The following HNRNPL variants were observed in gnomAD, a reference collection of about 807,000 sequenced individuals.
HNRNPL encodes the protein heterogeneous nuclear ribonucleoprotein L.
HNRNPL carries 12 observed loss-of-function variants against 64.0 expected under a neutral mutation model. That is an observed-to-expected ratio of 0.19 (90% confidence interval 0.12 to 0.30). The LOEUF is 0.30. Ranked by LOEUF, HNRNPL falls within the 10% of genes least tolerant of loss-of-function variation. The pLI is 1.00. For synonymous variants in HNRNPL, 385 were observed against 313.0 expected (o/e 1.23, Z -2.43); for missense variants, 484 against 797.4 (o/e 0.61, Z 4.73).
At chr19:38,837,339 C>CATT in intron 12 of HNRNPL, 45 bp downstream of exon 12, 1 of 1,492,626 alleles carries the variant, frequency 6.7e-7, no homozygotes, top group South Asian at 1.1e-5. Context: ...CCAGCCAACC[C>CATT]ATTAGGTCAC....
chr19:38,849,894 G>C lies in HNRNPL; in HGVS notation c.73C>G (p.Gln25Glu), dbSNP rs1156725177. The C allele has an allele frequency of 3.2e-6, 4 of 1,252,786 alleles. No homozygotes were observed. The highest frequency in any genetic ancestry group is 2.5e-5 in the South Asian group (2 of 78,606). The allele number at this position is 1,252,786 out of a possible 1,614,324, so 77.6% of individuals were successfully genotyped here. The change falls in exon 1 of 13, where the codon CAG becomes GAG. Residue 25 changes from glutamine to glutamate, a missense_variant. Transcript: ENST00000221419. ...ACCATCGCTCCCGACCGCCTCCGCT[G>C]CTCGTCCGGCTGCTGCCTCTGCTCC... ...RLEQRQQPDE[Q>E]RRRSGAMVKM...
intron 1 of HNRNPL, among the ~76,000 whole-genome samples, chr19:38,848,579 G>A (rs543194357): frequency 1.3e-4 from 20 of 152,356 alleles, no homozygotes; most frequent in African/African-American, 4.3e-4. Context: ...GCAGAAGTGC[G>A]TGGAAGGTGG....
At position 38,840,571 on chromosome 19, in the gene HNRNPL, GA is replaced by G; in HGVS notation, c.881-13del. The G allele has an allele frequency of 6.4e-7, 1 of 1,572,506 alleles. No homozygotes were observed. The highest frequency in any genetic ancestry group is 1.4e-5 in the African/African-American group (1 of 74,048). On this transcript the variant is annotated splice_polypyrimidine_tract_variant and intron_variant, in intron 6 of 12. Transcript: ENST00000221419. ...GCTGCCAGGGTCACCTGTGGAGAGA[GA>G]AAACAGTTAGGAGTCTCACTCAGAA... is the stretch of plus-strand genomic sequence containing the variant.
chr19:38,849,671 C>T, intron 1 of HNRNPL, 29 bp downstream of exon 1: 1 of 1,305,530 alleles, frequency 7.7e-7, no homozygotes, highest in South Asian at 2.3e-5. Flanking sequence ...AGTTCCCGGC[C>T]TTCCCAGCGC....
intron 6 of HNRNPL, chr19:38,841,756 TTTAA>T: frequency 1.7e-6 from 1 of 602,476 alleles, no homozygotes; most frequent in Non-Finnish European, 2.7e-6. Context: ...AAAGAATTGT[TTTAA>T]AAGTCAATAT....
intron 2 of HNRNPL, among the ~76,000 whole-genome samples, 157 bp downstream of exon 2, chr19:38,847,159 T>G (rs1391309931): frequency 6.6e-6 from 1 of 152,208 alleles, no homozygotes; most frequent in African/African-American, 2.4e-5. Context: ...TGCTGTAATC[T>G]GACACAAAGT....
intron 12 of HNRNPL, chr19:38,836,996 T>C (rs1971950486): frequency 3.6e-6 from 2 of 549,748 alleles, no homozygotes; most frequent in South Asian, 5.1e-5. Flanking sequence ...CCCATTCCTA[T>C]CTCCTTCGCC....
chr19:38,840,145 T>G lies in HNRNPL; in HGVS notation c.1184A>C (p.Asn395Thr). ...GAAGACATTGAAGACTCGGTCACAG[T>G]TCATCTTAGATTGATCCAAGCCATA... ...MVYGLDQSKM[N>T]CDRVFNVFCL... Residue 395 changes from asparagine to threonine, a missense_variant, in exon 8 of 13, where the codon AAC becomes ACC. Asn to Thr is a moderately conservative substitution (Grantham distance 65, BLOSUM62 0). This residue lies in a region of HNRNPL where 25 missense variants were observed against 67.0 expected (regional missense o/e 0.37). Coordinates refer to ENST00000221419, the MANE Select transcript of HNRNPL (RefSeq NM_001533.3). 2 of 1,611,704 alleles carry G rather than the reference T, an allele frequency of 1.2e-6. No individual in the cohort carries two copies. The highest frequency in any genetic ancestry group is 1.7e-6 in the Non-Finnish European group (2 of 1,179,328).
Position 38,845,398 on chromosome 19 carries a change from AG to A in HNRNPL, c.710+251del, listed in dbSNP as rs1972259435. The A allele has an allele frequency of 8.9e-5, 43 of 485,084 alleles. No individual in the cohort carries two copies. In the South Asian group the frequency reaches 1.1e-3, roughly 13 times the overall value. 30.0% of individuals were successfully genotyped at this position (485,084 alleles called of 1,614,324 possible). A position where few individuals can be genotyped will look rare whatever the true frequency, so the allele number is the denominator to read the frequency against. On this transcript the variant is annotated intron_variant, in intron 4 of 12. Coordinates refer to ENST00000221419, the MANE Select transcript of HNRNPL (RefSeq NM_001533.3). ...ATAAATAAATAAGTAAATAACAGAA[AG>A]AAAACAAAAAGAAAAATAAATTCCT...
intron 6 of HNRNPL, chr19:38,842,215 C>T (rs1015442448): frequency 3.9e-5 from 6 of 153,408 alleles, no homozygotes; most frequent in African/African-American, 1.5e-4. Flanking sequence ...CAAGGCCCTC[C>T]CCAAACCAAA....
At chr19:38,850,023 C>T (rs1972458597), upstream of HNRNPL, 1 of 1,291,324 alleles carries the variant, frequency 7.7e-7, no homozygotes, top group Non-Finnish European at 1.0e-6. Context: ...ACGCCCGTCA[C>T]CCGCCGCCCC....
upstream of HNRNPL, chr19:38,852,229 G>A (rs1600077738): frequency 9.1e-6 from 1 of 109,882 alleles, no homozygotes; most frequent in African/African-American, 3.3e-5. Flanking sequence ...CCTGGCCCCC[G>A]GCCGCGCGCG....
intron 6 of HNRNPL, among the ~76,000 whole-genome samples, chr19:38,842,858 G>A (rs1972161566): frequency 6.6e-6 from 1 of 152,152 alleles, no homozygotes; most frequent in Admixed American, 6.6e-5. Flanking sequence ...TATGTTCCTT[G>A]GAGAAGAAAT....
chr19:38,850,795 A>G (rs1972485058), upstream of HNRNPL, among the ~76,000 whole-genome samples: 1 of 152,208 alleles, frequency 6.6e-6, no homozygotes, highest in South Asian at 2.1e-4. Context: ...CCTTTTCCTC[A>G]GTAGAAAACC....
intron 1 of HNRNPL, 54 bp downstream of exon 1, chr19:38,849,646 G>A (rs899074085): frequency 3.3e-4 from 425 of 1,303,444 alleles, no homozygotes; most frequent in Non-Finnish European, 3.9e-4. Context: ...CCCTCAAGCT[G>A]GGAAATTGTC....
At chr19:38,842,329 A>C (rs1972144674) in intron 6 of HNRNPL, 1 of 152,246 alleles carries the variant, frequency 6.6e-6, no homozygotes, top group Admixed American at 6.5e-5. Context: ...CTCCGAAAAG[A>C]GCATCGCTCG....
intron 12 of HNRNPL, 108 bp downstream of exon 12, chr19:38,837,276 C>A (rs947398266): frequency 1.2e-6 from 1 of 833,984 alleles, no homozygotes; most frequent in South Asian, 1.5e-5. Context: ...ACCAACAGTG[C>A]GAAGATCCCG....
chr19:38,844,189 G>A, intron 4 of HNRNPL, 85 bp from the exon 5 acceptor site: 1 of 879,790 alleles, frequency 1.1e-6, no homozygotes, highest in Non-Finnish European at 1.9e-6. Context: ...GGACAAGGTA[G>A]CACCCCAAGA....
intron 8 of HNRNPL, chr19:38,839,512 G>A (rs1026151221): frequency 1.7e-5 from 3 of 174,860 alleles, no homozygotes; most frequent in Admixed American, 5.5e-5. Flanking sequence ...ATCTCATTAA[G>A]GATTAATGTG....
Sources: gnomAD v4.1 joint callset for allele counts (sites outside exome capture counted in the v4.1 genomes callset) on GRCh38, gnomAD v4.1.1 for gene constraint, gnomAD v4.1.1 regional missense constraint, MANE v1.5 for transcripts, NCBI Gene and HGNC (gene_info 2026-07-23, HGNC 2026-07-21) for gene names.